The following CA8 variants were observed in gnomAD, a reference collection of about 807,000 sequenced individuals.
The protein encoded by CA8 is carbonic anhydrase-related protein.
Under a neutral mutation model 41.4 loss-of-function variants are expected in CA8, and 22 were observed. The observed-to-expected ratio is 0.53, with a 90% CI of 0.38 to 0.76. The LOEUF (loss-of-function observed/expected upper bound fraction) is 0.76. Ranked by LOEUF, CA8 falls within the 30% of genes least tolerant of loss-of-function variation. The probability of loss-of-function intolerance (pLI) is 0.00; values close to 1 mark genes in which losing one functional copy is unlikely to be tolerated. For synonymous variants in CA8, 121 were observed against 130.6 expected (o/e 0.93, Z 0.50); for missense variants, 270 against 352.8 (o/e 0.77, Z 1.88).
chr8:60,223,817 G>T (rs1807331938), intron 6 of CA8, among the ~76,000 whole-genome samples: 1 of 152,138 alleles, frequency 6.6e-6, no homozygotes, highest in Non-Finnish European at 1.5e-5. Context: ...GCATCAACTG[G>T]TTTTGTTTAA....
At chr8:60,221,938 T>C (rs976024261) in intron 7 of CA8, among the ~76,000 whole-genome samples, 4 of 152,160 alleles carry the variant, frequency 2.6e-5, no homozygotes, top group African/African-American at 2.4e-5. Flanking sequence ...CCTTTTGAGG[T>C]TGATCATGGA....
intron 3 of CA8, among the ~76,000 whole-genome samples, chr8:60,257,207 A>C (rs1475120977): frequency 6.6e-6 from 1 of 152,054 alleles, no homozygotes; most frequent in African/African-American, 2.4e-5. Flanking sequence ...CGAACTCCTA[A>C]CCTCAGGTGA....
intron 8 of CA8, among the ~76,000 whole-genome samples, chr8:60,205,303 AATATTTAGGTCAC>A (rs1806542297): frequency 6.6e-6 from 1 of 152,202 alleles, no homozygotes; most frequent in Non-Finnish European, 1.5e-5. Context: ...ACAGCTTAAC[AATATTTAGGTCAC>A]AAGCGAGACA....
chr8:60,214,006 CTG>C (rs1806930885), intron 7 of CA8, among the ~76,000 whole-genome samples: 1 of 152,232 alleles, frequency 6.6e-6, no homozygotes, highest in South Asian at 2.1e-4. Context: ...CCCAGACCTA[CTG>C]AATCAGCAAC....
chr8:60,281,033 C>A lies in CA8; in HGVS notation c.100+15G>T. 6.3e-7 allele frequency: 1 copy of A among 1,595,488 alleles called. No individual in the cohort carries two copies. On this transcript the variant is annotated intron_variant, in intron 1 of 8. Coordinates refer to ENST00000317995, the MANE Select transcript of CA8 (RefSeq NM_004056.6). ...CGCCGCGGGACCCCGGACACCCCGA[C>A]TCGCGGCCACTTACCTTCCTCGTAG...
rs576776248 is a variant in CA8 at position 60,245,678 on chromosome 8, T to C, written c.418-13299A>G. 2.6e-5 allele frequency among the ~76,000 whole-genome samples: 4 copies of C among 152,314 alleles called. No individual in the cohort carries two copies. In the South Asian group the frequency reaches 8.3e-4, roughly 32 times the overall value. On this transcript the variant is annotated intron_variant, in intron 3 of 8. Transcript: ENST00000317995. ...AGTGACCTGAAATACAGAGCCCAAG[T>C]TCCCTTTCAATGTTGTAACAAGGTA...
intron 3 of CA8, among the ~76,000 whole-genome samples, chr8:60,257,953 G>A (rs768189318): frequency 1.6e-4 from 25 of 152,182 alleles, no homozygotes; most frequent in Non-Finnish European, 3.2e-4. Flanking sequence ...TTTGCTTTCC[G>A]TGGTTTCAGT....
intron 3 of CA8, chr8:60,232,635 G>A (rs1807694581): frequency 1.9e-6 from 1 of 514,360 alleles, no homozygotes; most frequent in Non-Finnish European, 3.5e-6. Context: ...AAGACAACTG[G>A]AGGGACTCAC....
chr8:60,197,149 A>T (rs931826724), intron 8 of CA8, among the ~76,000 whole-genome samples: 31 of 152,190 alleles, frequency 2.0e-4, no homozygotes, highest in African/African-American at 6.5e-4. Flanking sequence ...CTCATTTCTA[A>T]GAATTTTTTA....
intron 8 of CA8, among the ~76,000 whole-genome samples, chr8:60,192,401 C>T (rs1190061340): frequency 1.3e-5 from 2 of 152,070 alleles, no homozygotes; most frequent in African/African-American, 4.8e-5. Flanking sequence ...GAGCATAGTA[C>T]TATAAGTAAT....
chr8:60,258,959 G>A (rs1313327028), intron 3 of CA8, among the ~76,000 whole-genome samples: 2 of 152,018 alleles, frequency 1.3e-5, no homozygotes, highest in Admixed American at 1.3e-4. Context: ...CTAAATACTC[G>A]CCCATTTAGA....
rs1000047993 is a variant in CA8 at position 60,236,355 on chromosome 8, G to A, written c.418-3976C>T. On this transcript the variant is annotated intron_variant, in intron 3 of 8. Coordinates refer to ENST00000317995, the MANE Select transcript of CA8 (RefSeq NM_004056.6). ...GGCCTACCTTGCAGATTTCAGATTT[G>A]CCAGCCCCCACAACTACATGAACCA... Among the ~76,000 whole-genome samples the A allele has an allele frequency of 5.9e-5, 9 of 152,238 alleles. 1 individual carries two copies. The South Asian group carries it at 1.7e-3, about 28-fold the overall frequency.
intron 3 of CA8, among the ~76,000 whole-genome samples, chr8:60,236,901 T>A (rs1444279032): frequency 6.6e-6 from 1 of 152,204 alleles, no homozygotes; most frequent in Non-Finnish European, 1.5e-5. Context: ...ACTACAGATA[T>A]GGCTTAGGAA....
chr8:60,275,751 A>G (rs1263646899), intron 2 of CA8, among the ~76,000 whole-genome samples: 3 of 152,216 alleles, frequency 2.0e-5, no homozygotes, highest in Non-Finnish European at 4.4e-5. Context: ...TGCCCAGCAT[A>G]TAGTGCAGAA....
intron 3 of CA8, among the ~76,000 whole-genome samples, chr8:60,243,663 C>T (rs1429656925): frequency 6.6e-6 from 1 of 152,112 alleles, no homozygotes; most frequent in Non-Finnish European, 1.5e-5. Flanking sequence ...ACCATGTTCC[C>T]CACTAAATCA....
intron 7 of CA8, among the ~76,000 whole-genome samples, chr8:60,220,265 A>G (rs1473387834): frequency 6.6e-6 from 1 of 152,164 alleles, no homozygotes; most frequent in African/African-American, 2.4e-5. Context: ...GAAACAGCAC[A>G]GTGGAAGGGA....
At chr8:60,249,706 C>T (rs980010713) in intron 3 of CA8, among the ~76,000 whole-genome samples, 11 of 151,826 alleles carry the variant, frequency 7.2e-5, no homozygotes, top group African/African-American at 2.7e-4. Flanking sequence ...TTACAGTATC[C>T]CCAAAAATAA....
At chr8:60,228,588 T>G (rs1807526927) in intron 4 of CA8, among the ~76,000 whole-genome samples, 1 of 152,238 alleles carries the variant, frequency 6.6e-6, no homozygotes, top group South Asian at 2.1e-4. Flanking sequence ...CTCTTAGCTG[T>G]GTGGCCTTAA....
At chr8:60,275,447 A>T (rs1804200071) in intron 2 of CA8, among the ~76,000 whole-genome samples, 1 of 151,480 alleles carries the variant, frequency 6.6e-6, no homozygotes, top group Non-Finnish European at 1.5e-5. Context: ...TGAAATAAAT[A>T]CTGGATGTTG....
Sources: allele counts gnomAD v4.1 joint callset (sites outside exome capture counted in the v4.1 genomes callset), GRCh38; gene constraint gnomAD v4.1.1; transcripts MANE v1.5; gene names NCBI Gene and HGNC (gene_info 2026-07-23, HGNC 2026-07-21).